The following SYNE2 variants were observed in gnomAD, a reference collection of about 807,000 sequenced individuals.
The protein encoded by SYNE2 is spectrin repeat containing nuclear envelope protein 2, also known as nesprin-2.
In SYNE2, 431 loss-of-function variants were observed where a neutral mutation model predicts 856.3. The observed-to-expected ratio is 0.50, with a 90% CI of 0.47 to 0.55. The LOEUF is 0.55. Ranked by LOEUF, SYNE2 falls within the 20% of genes least tolerant of loss-of-function variation. The probability of loss-of-function intolerance (pLI) is 0.00; values close to 1 mark genes in which losing one functional copy is unlikely to be tolerated. For missense variants in SYNE2, 8,129 were observed against 8,023.2 expected (o/e 1.01, Z -0.50); for synonymous variants, 2,923 against 2,872.3 (o/e 1.02, Z -0.56).
intron 1 of SYNE2, among the ~76,000 whole-genome samples, chr14:63,895,775 CAAAA>C (rs10544076): frequency 2.2e-5 from 2 of 92,614 alleles, no homozygotes; most frequent in Admixed American, 1.3e-4. Flanking sequence ...TCCAAATCTC[CAAAA>C]AAAAAAAAAA....
chr14:63,994,267 T>C (rs184588445), intron 22 of SYNE2, among the ~76,000 whole-genome samples: 17 of 152,324 alleles, frequency 1.1e-4, no homozygotes, highest in Non-Finnish European at 1.3e-4. Context: ...CAAGGATTTA[T>C]AGAAAGCATC....
intron 45 of SYNE2, among the ~76,000 whole-genome samples, chr14:64,035,872 T>A (rs1313954510): frequency 6.6e-6 from 1 of 151,444 alleles, no homozygotes; most frequent in African/African-American, 2.4e-5. Flanking sequence ...TTTTGTATTT[T>A]TTTTTTTTTT....
At chr14:63,919,324 C>T (rs1324540170) in intron 2 of SYNE2, among the ~76,000 whole-genome samples, 2 of 152,104 alleles carry the variant, frequency 1.3e-5, no homozygotes, top group African/African-American at 4.8e-5. Context: ...TTCTTTAGAT[C>T]AGAGAAGGCC....
chr14:63,948,215 A>G (rs2096068575), intron 6 of SYNE2, among the ~76,000 whole-genome samples: 1 of 151,472 alleles, frequency 6.6e-6, no homozygotes, highest in African/African-American at 2.4e-5. Flanking sequence ...TGGAATTTTT[A>G]TTAGGATTGC....
chr14:64,101,519 T>C (rs1220605391), intron 63 of SYNE2, among the ~76,000 whole-genome samples: 1 of 152,206 alleles, frequency 6.6e-6, no homozygotes, highest in Non-Finnish European at 1.5e-5. Context: ...TGGTTCTCAC[T>C]GCAACCTCCA....
In SYNE2 at chr14:64,207,546, C is replaced by CA. The variant is rs11330383; in HGVS notation, c.18202-1197dup. Among the ~76,000 whole-genome samples, 223 of 132,774 alleles carry CA rather than the reference C, an allele frequency of 1.7e-3. 2 individuals carry two copies. The highest frequency in any genetic ancestry group is 1.3e-3 in the Non-Finnish European group (78 of 60,448). 87.1% of individuals were successfully genotyped at this position (132,774 alleles called of 152,430 possible). A position where few individuals can be genotyped will look rare whatever the true frequency, so the allele number is the denominator to read the frequency against. On this transcript the variant is annotated intron_variant, in intron 100 of 115. Transcript: ENST00000555002. ...CTATAACAGAGTGAAACCCTTGTCT[C>CA]AAAAAAAAAAAAAAAGAGAGTATGA...
rs766236526 is a variant in SYNE2, at chr14:63,790,388, AAAAG to A, written c.-305+28413_-305+28416del. ...AAAGAAAGAAGGAAGGAAAGAAAGA[AAAAG>A]AAAGAAAGAAGGAGTGCTGTATGTT... On this transcript the variant is annotated intron_variant, in intron 1 of 23. Coordinates refer to the SYNE2 transcript ENST00000674003. Among the ~76,000 whole-genome samples the A allele has an allele frequency of 2.5e-4, 38 of 152,036 alleles. 1 individual carries two copies. The highest frequency in any genetic ancestry group is 1.6e-3 in the Admixed American group (25 of 15,234).
At chr14:63,960,504 A>T (rs1595889390) in intron 8 of SYNE2, among the ~76,000 whole-genome samples, 1 of 152,144 alleles carries the variant, frequency 6.6e-6, no homozygotes, top group African/African-American at 2.4e-5. Context: ...CATGGACCAT[A>T]CCTTATGTAT....
At chr14:63,859,831 C>G (rs997420407) in intron 1 of SYNE2, among the ~76,000 whole-genome samples, 3 of 152,090 alleles carry the variant, frequency 2.0e-5, no homozygotes, top group Admixed American at 6.5e-5. Flanking sequence ...AAAGAGAAAA[C>G]AAAGAAAGAA....
chr14:63,876,849 G>A (rs2094734609), intron 1 of SYNE2, among the ~76,000 whole-genome samples: 1 of 152,174 alleles, frequency 6.6e-6, no homozygotes, highest in African/African-American at 2.4e-5. Flanking sequence ...AATACAGTGA[G>A]TTGTTCAGAG....
chr14:63,967,857 G>T lies in SYNE2; in HGVS notation c.1128+11G>T. 6.2e-7 allele frequency: 1 copy of T among 1,613,474 alleles called. No homozygotes were observed. The highest frequency in any genetic ancestry group is 8.5e-7 in the Non-Finnish European group (1 of 1,179,676). ...GGCCTCGATCACCAGGTGACTGTTT[G>T]TGTTGATTAGAAGAATATTTTCAGG... is the stretch of plus-strand genomic sequence containing the variant. On this transcript the variant is annotated intron_variant, in intron 11 of 115. Coordinates refer to ENST00000555002, the MANE Select transcript of SYNE2 (RefSeq NM_182914.3).
At position 64,030,064 on chromosome 14, in the gene SYNE2, T is replaced by C. The variant is rs192891937; in HGVS notation, c.6879+5T>C. 5.0e-6 allele frequency: 8 copies of C among 1,613,768 alleles called. No individual in the cohort carries two copies. The Admixed American group carries it at 1.3e-4, about 27-fold the overall frequency. ...GAAAAATTGCAGAAACTGCAGGTAC[T>C]AAACGGTGTCCAGACATGATAGACA... On this transcript the variant is annotated splice_donor_5th_base_variant and intron_variant, in intron 44 of 115. Transcript: ENST00000555002.
intron 32 of SYNE2, among the ~76,000 whole-genome samples, chr14:64,015,584 G>T (rs189523850): frequency 2.2e-4 from 33 of 151,944 alleles, no homozygotes; most frequent in African/African-American, 7.7e-4. Context: ...CTTTGCTTTT[G>T]TCCGTCTTTC....
chr14:63,845,894 C>T (rs1890211998), intron 1 of SYNE2, among the ~76,000 whole-genome samples: 2 of 151,804 alleles, frequency 1.3e-5, no homozygotes, highest in Admixed American at 6.6e-5. Context: ...GCATGCACCA[C>T]CATGCCCAGC....
intron 85 of SYNE2, among the ~76,000 whole-genome samples, chr14:64,155,212 C>T (rs984482690): frequency 2.6e-5 from 4 of 152,140 alleles, no homozygotes; most frequent in Admixed American, 2.0e-4. Context: ...GTGTAAACAA[C>T]CCAACTGTCC....
intron 96 of SYNE2, among the ~76,000 whole-genome samples, chr14:64,182,596 C>T (rs1034037723): frequency 2.6e-5 from 4 of 151,702 alleles, no homozygotes; most frequent in Admixed American, 2.0e-4. Flanking sequence ...TGACTCTTAA[C>T]GAGCATGCTG....
intron 51 of SYNE2, 98 bp downstream of exon 51, chr14:64,065,748 C>A: frequency 7.4e-7 from 1 of 1,347,014 alleles, no homozygotes. Context: ...GAGTCCTTAG[C>A]CTATACCATT....
Position 64,174,960 on chromosome 14 carries a change from T to C in SYNE2, c.17252T>C (p.Phe5751Ser). The change falls in exon 95 of 116, where the codon TTT (phenylalanine) becomes TCT (serine). Residue 5751 changes from phenylalanine (F) to serine (S), a missense_variant. Transcript: ENST00000555002. Reference sequence around the variant, plus strand: ...TTTTCTTAGAATAAAGAAATTCATTTTCAAAGGAGGCGAACTACCTGTGCC... The same window carrying C: ...TTTTCTTAGAATAAAGAAATTCATTCTCAAAGGAGGCGAACTACCTGTGCC... ...IHELKNKEIH[F>S]QRRRTTCALT... 1 of 1,614,126 alleles carries C rather than the reference T, an allele frequency of 6.2e-7. No individual in the cohort carries two copies. Among genetic ancestry groups the C allele is most frequent in the Non-Finnish European group, 8.5e-7 (1 of 1,180,010 alleles).
chr14:63,856,565 T>G (rs1286505292), intron 1 of SYNE2, among the ~76,000 whole-genome samples: 2 of 152,178 alleles, frequency 1.3e-5, no homozygotes, highest in South Asian at 2.1e-4. Flanking sequence ...TTTTTATTAT[T>G]GTGAAATATT....
Sources: allele counts gnomAD v4.1 joint callset (sites outside exome capture counted in the v4.1 genomes callset), GRCh38; gene constraint gnomAD v4.1.1; transcripts MANE v1.5; gene names NCBI Gene and HGNC (gene_info 2026-07-23, HGNC 2026-07-21).